Variants in TJP2 observed in about 807,000 individuals in gnomAD.
TJP2 encodes the protein Friedreich ataxia region gene X104 (tight junction protein ZO-2).
TJP2 carries 91 observed loss-of-function variants against 133.1 expected under a neutral mutation model. The observed-to-expected ratio is 0.68, with a 90% CI of 0.58 to 0.81. The LOEUF (loss-of-function observed/expected upper bound fraction) is 0.81, where lower values mean the gene tolerates loss of function less well. Among genes scored for constraint, TJP2 ranks in the 40% least tolerant of loss-of-function variants. The pLI is 0.00. For missense variants in TJP2, 1,541 were observed against 1,565.6 expected (o/e 0.98, Z 0.26); for synonymous variants, 592 against 583.4 (o/e 1.01, Z -0.21).
chr9:69,247,376 C>G (rs893021374), intron 18 of TJP2, among the ~76,000 whole-genome samples: 1 of 152,130 alleles, frequency 6.6e-6, no homozygotes, highest in South Asian at 2.1e-4. Flanking sequence ...TACCTGTGGC[C>G]GCTTTTATTT....
chr9:69,146,376 T>C (rs1213351821), intron 1 of TJP2, among the ~76,000 whole-genome samples: 8 of 152,224 alleles, frequency 5.3e-5, no homozygotes, highest in Non-Finnish European at 1.2e-4. Context: ...CTTTTGTGCT[T>C]CTTACACATT....
intron 5 of TJP2, among the ~76,000 whole-genome samples, chr9:69,223,069 G>GAA (rs57114714): frequency 0.015 from 1,720 of 113,702 alleles, 38 homozygotes; most frequent in East Asian, 0.045. Flanking sequence ...ACTCTGTCTT[G>GAA]AAAAAAAAAA....
intron 2 of TJP2, among the ~76,000 whole-genome samples, chr9:69,163,933 G>C (rs1160390114): frequency 1.3e-5 from 2 of 152,168 alleles, no homozygotes; most frequent in African/African-American, 2.4e-5. Flanking sequence ...TGTGAACGCT[G>C]TCAGATCCCA....
At chr9:69,134,360 C>T (rs1207014612) in intron 1 of TJP2, among the ~76,000 whole-genome samples, 1 of 152,180 alleles carries the variant, frequency 6.6e-6, no homozygotes, top group South Asian at 2.1e-4. Context: ...AGCAGTGACA[C>T]AAGTCCCACA....
chr9:69,189,311 T>C (rs573235939), intron 1 of TJP2, among the ~76,000 whole-genome samples: 2 of 152,330 alleles, frequency 1.3e-5, no homozygotes, highest in South Asian at 2.1e-4. Flanking sequence ...TTTGCTTCTT[T>C]CCTGTTTCTC....
intron 2 of TJP2, among the ~76,000 whole-genome samples, chr9:69,155,639 C>G (rs1203179849): frequency 6.6e-6 from 1 of 152,264 alleles, no homozygotes; most frequent in Non-Finnish European, 1.5e-5. Flanking sequence ...GCCAGTTTCT[C>G]TATCTGTGGG....
intron 6 of TJP2, among the ~76,000 whole-genome samples, chr9:69,225,616 CA>C (rs1056519988): frequency 1.6e-4 from 24 of 147,814 alleles, no homozygotes; most frequent in African/African-American, 6.1e-4. Context: ...AAAACAAAAA[CA>C]AAAAAACTCC....
At chr9:69,248,518 G>A (rs367558528) in intron 19 of TJP2, 49 of 1,291,876 alleles carry the variant, frequency 3.8e-5, no homozygotes, top group African/African-American at 1.6e-4. Context: ...AATTACCAGC[G>A]GAACCTTCCT....
At chr9:69,210,626 TCTTGCACTTTTGGGCTG>T (rs1422090075) in intron 1 of TJP2, among the ~76,000 whole-genome samples, 1 of 152,138 alleles carries the variant, frequency 6.6e-6, no homozygotes, top group African/African-American at 2.4e-5. Context: ...TTAATCTAAA[TCTTGCACTTTTGGGCTG>T]CTTGCGTCCC....
intron 1 of TJP2, among the ~76,000 whole-genome samples, chr9:69,134,947 GGAGAGA>G (rs148798484): frequency 6.7e-6 from 1 of 148,436 alleles, no homozygotes; most frequent in Non-Finnish European, 1.5e-5. Context: ...AGAGAGAAGA[GGAGAGA>G]GAGAGAGAGA....
upstream of TJP2, among the ~76,000 whole-genome samples, chr9:69,172,489 G>T (rs1824742257): frequency 6.6e-6 from 1 of 152,172 alleles, no homozygotes; most frequent in African/African-American, 2.4e-5. Context: ...TCTAATTTTA[G>T]TTAATTTACA....
intron 1 of TJP2, among the ~76,000 whole-genome samples, chr9:69,199,318 C>T (rs1826821451): frequency 6.6e-6 from 1 of 152,164 alleles, no homozygotes; most frequent in East Asian, 1.9e-4. Context: ...GGAAGAGTCT[C>T]AGGAGTTCGA....
At chr9:69,250,530 C>T (rs1282010478) in intron 20 of TJP2, among the ~76,000 whole-genome samples, 2 of 152,162 alleles carry the variant, frequency 1.3e-5, no homozygotes, top group Non-Finnish European at 2.9e-5. Context: ...ATTTGCAAGC[C>T]GGGCAAGACT....
At chr9:69,234,361 TTC>T in intron 11 of TJP2, 76 bp from the exon 12 acceptor site, 1 of 1,271,480 alleles carries the variant, frequency 7.9e-7, no homozygotes, top group Non-Finnish European at 1.1e-6. Context: ...TACTATAAAC[TTC>T]TCTGTTTTTT....
Position 69,168,858 on chromosome 9 carries a change from A to AAGGGGGAAGCAGAACGTTAGATGCCGC in TJP2, c.-10+17088_-10+17114dup, listed in dbSNP as rs528762116. On this transcript the variant is annotated intron_variant, in intron 2 of 5. Coordinates refer to the TJP2 transcript ENST00000423935. ...ATATAATAACTAAAAGTGAAAGCAT[A>AAGGGGGAAGCAGAACGTTAGATGCCGC]AGGGGGAAGCAGAACGTTAGATGCC... 8.3e-3 allele frequency among the ~76,000 whole-genome samples: 1,263 copies of AAGGGGGAAGCAGAACGTTAGATGCCGC among 152,036 alleles called. 18 individuals are homozygous for AAGGGGGAAGCAGAACGTTAGATGCCGC. The highest frequency in any genetic ancestry group is 0.028 in the African/African-American group (1,169 of 41,460).
chr9:69,218,078 C>T (rs944131825), intron 3 of TJP2, among the ~76,000 whole-genome samples, 179 bp from the exon 4 acceptor site: 18 of 152,206 alleles, frequency 1.2e-4, no homozygotes, highest in African/African-American at 3.9e-4. Flanking sequence ...CTGTATGGCC[C>T]CCAGTTCCTT....
chr9:69,170,198 G>T (rs1286914693), upstream of TJP2, among the ~76,000 whole-genome samples: 1 of 151,782 alleles, frequency 6.6e-6, no homozygotes, highest in Non-Finnish European at 1.5e-5. Flanking sequence ...CTGAAAAGTT[G>T]AAAAAAATTG....
intron 2 of TJP2, among the ~76,000 whole-genome samples, chr9:69,158,885 G>A (rs1823910034): frequency 6.6e-6 from 1 of 151,990 alleles, no homozygotes; most frequent in African/African-American, 2.4e-5. Context: ...TTGAATGGTT[G>A]GTGACAAAAC....
intron 8 of TJP2, 33 bp downstream of exon 8, chr9:69,227,906 C>T (rs756790775): frequency 6.2e-7 from 1 of 1,607,846 alleles, no homozygotes; most frequent in South Asian, 1.1e-5. Context: ...TTGTACATGT[C>T]ATTGTGAATG....
Sources: allele counts gnomAD v4.1 joint callset (sites outside exome capture counted in the v4.1 genomes callset), GRCh38; gene constraint gnomAD v4.1.1; transcripts MANE v1.5; gene names NCBI Gene and HGNC (gene_info 2026-07-23, HGNC 2026-07-21).